SGK1: variants seen among roughly 807,000 people sequenced by gnomAD.
SGK1 encodes serine/threonine-protein kinase Sgk1.
A neutral mutation model predicts 64.2 loss-of-function variants in SGK1; 26 were observed. The ratio of observed to expected loss-of-function variants is 0.40; its 90% CI spans 0.30 to 0.56. The LOEUF is 0.56. SGK1 is among the 20% of genes least tolerant of loss of function. The pLI is 0.38. For missense variants in SGK1, 519 were observed against 645.6 expected, an observed-to-expected ratio of 0.80 and a Z score of 2.12; for synonymous variants, 265 against 239.7, an observed-to-expected ratio of 1.11 and a Z score of -0.98.
At chr6:134,191,835 ATTT>A (rs71003671) in intron 3 of SGK1, among the ~76,000 whole-genome samples, 1 of 61,204 alleles carries the variant, frequency 1.6e-5, no homozygotes. Flanking sequence ...CGCCCGGCTG[ATTT>A]TTTTTTTTTT....
intron 3 of SGK1, chr6:134,174,859 T>C (rs763824298): frequency 7.3e-5 from 117 of 1,611,766 alleles, no homozygotes; most frequent in Non-Finnish European, 9.3e-5. Context: ...CGGCTCGGCG[T>C]ATGCTGCGCC....
intron 2 of SGK1, among the ~76,000 whole-genome samples, chr6:134,230,717 A>G (rs567526028): frequency 2.0e-5 from 3 of 152,284 alleles, no homozygotes; most frequent in African/African-American, 7.2e-5. Flanking sequence ...CCATCTCTAC[A>G]AATAAAATAA....
chr6:134,317,584 G>A lies in SGK1; in HGVS notation c.-124C>T. The A allele has an allele frequency of 1.4e-6, 1 of 732,632 alleles. No individual in the cohort carries two copies. The highest frequency in any genetic ancestry group is 1.5e-5 in the South Asian group (1 of 65,650). The allele number at this position is 732,632 out of a possible 1,614,324, so 45.4% of individuals were successfully genotyped here. The stretch of plus-strand genomic sequence containing the variant: ...AAGACTGAGCGGGATGGAGAATCTA[G>A]CGGGGCTCAGTTCTTCACTCGCGCA... On this transcript the variant is annotated 5_prime_UTR_variant, in exon 1 of 14. Coordinates refer to ENST00000367858, the MANE Select transcript of SGK1 (RefSeq NM_001143676.3).
chr6:134,175,420 C>T (rs1582688465), intron 3 of SGK1: 2 of 1,304,900 alleles, frequency 1.5e-6, no homozygotes, highest in Non-Finnish European at 2.0e-6. Context: ...CCTCGCCCGC[C>T]AGGTCCTCCC....
rs1333887934 is a variant in SGK1 at position 134,301,573 on chromosome 6, CTT to C, written c.69+15817_69+15818del. Among the ~76,000 whole-genome samples the C allele has an allele frequency of 5.5e-4, 83 of 149,592 alleles. 1 individual carries two copies. Among genetic ancestry groups the C allele is most frequent in the African/African-American group, 2.0e-3 (79 of 40,342 alleles). On this transcript the variant is annotated intron_variant, in intron 1 of 13. Transcript: ENST00000367858. ...CTTCTCTTCTCTTCTCTTCTCTTCTCTTCTCTTCTCTTCCCTTCTCTTCTCTT... is the reference window on the plus strand; with the variant it reads ...CTTCTCTTCTCTTCTCTTCTCTTCTCCTCTTCTCTTCCCTTCTCTTCTCTT...
At chr6:134,234,747 A>T (rs986952269) in intron 2 of SGK1, among the ~76,000 whole-genome samples, 2 of 150,974 alleles carry the variant, frequency 1.3e-5, no homozygotes, top group East Asian at 4.0e-4. Flanking sequence ...GTGGTGATGC[A>T]TGCCTGTAAT....
chr6:134,295,473 G>A (rs1777334021), intron 1 of SGK1, among the ~76,000 whole-genome samples: 1 of 152,192 alleles, frequency 6.6e-6, no homozygotes, highest in African/African-American at 2.4e-5. Flanking sequence ...GGACGCCAAG[G>A]CAGGTGGATA....
chr6:134,298,107 T>C (rs1028862960), intron 1 of SGK1: 51 of 1,354,248 alleles, frequency 3.8e-5, no homozygotes, highest in Non-Finnish European at 2.6e-5. Context: ...ACCTTGTTCA[T>C]GTAAGCTTCA....
At chr6:134,228,466 T>C (rs1776222449) in intron 2 of SGK1, among the ~76,000 whole-genome samples, 1 of 152,198 alleles carries the variant, frequency 6.6e-6, no homozygotes, top group Non-Finnish European at 1.5e-5. Flanking sequence ...CAAAAGAATA[T>C]ACTTCTTGAA....
At chr6:134,237,345 C>G (rs1000638055) in intron 2 of SGK1, among the ~76,000 whole-genome samples, 1 of 151,972 alleles carries the variant, frequency 6.6e-6, no homozygotes, top group Non-Finnish European at 1.5e-5. Flanking sequence ...TCATGAGCCA[C>G]TGTGCCTGGC....
intron 1 of SGK1, among the ~76,000 whole-genome samples, chr6:134,294,204 C>A (rs1582768898): frequency 6.6e-6 from 1 of 152,192 alleles, no homozygotes; most frequent in Non-Finnish European, 1.5e-5. Flanking sequence ...ATCTAATATA[C>A]TGTGCTGTAT....
At chr6:134,298,280 A>T (rs982034688) in intron 1 of SGK1, 1 of 1,563,186 alleles carries the variant, frequency 6.4e-7, no homozygotes. Context: ...TAGCTCTCGA[A>T]CATGTTGTCC....
At chr6:134,306,511 G>T (rs993137275) in intron 1 of SGK1, among the ~76,000 whole-genome samples, 3 of 152,008 alleles carry the variant, frequency 2.0e-5, no homozygotes, top group Admixed American at 2.0e-4. Flanking sequence ...GTTGGGGAGT[G>T]AAGGAAGCTT....
chr6:134,281,388 G>A (rs1161960521), intron 1 of SGK1, among the ~76,000 whole-genome samples: 1 of 152,180 alleles, frequency 6.6e-6, no homozygotes, highest in East Asian at 1.9e-4. Flanking sequence ...GTAAGGATGA[G>A]TAGGTGGTAG....
chr6:134,281,519 CT>C (rs35370292), intron 1 of SGK1, among the ~76,000 whole-genome samples: 567 of 141,842 alleles, frequency 4.0e-3, no homozygotes, highest in African/African-American at 5.2e-3. Context: ...CCAATTTGTT[CT>C]TTTTTTTTTT....
chr6:134,297,066 A>G (rs1196417062), intron 1 of SGK1: 5 of 471,618 alleles, frequency 1.1e-5, no homozygotes, highest in South Asian at 1.8e-5. Context: ...CTTCACAACC[A>G]CAGCCCTGGT....
chr6:134,255,794 G>A (rs1035387024), intron 2 of SGK1, among the ~76,000 whole-genome samples: 8 of 151,338 alleles, frequency 5.3e-5, no homozygotes, highest in South Asian at 2.1e-4. Context: ...CATGTTGACC[G>A]GGCTGGTCTT....
At chr6:134,170,460 CTT>C in intron 13 of SGK1, 25 bp from the exon 14 acceptor site, 1 of 1,599,742 alleles carries the variant, frequency 6.3e-7, no homozygotes, top group African/African-American at 1.3e-5. Context: ...GAAAAACACT[CTT>C]GTCAAGAACT....
intron 2 of SGK1, among the ~76,000 whole-genome samples, chr6:134,226,339 C>A (rs865821581): frequency 6.7e-6 from 1 of 148,890 alleles, no homozygotes; most frequent in African/African-American, 2.5e-5. Context: ...ATCCTGCCCC[C>A]CCTCATCCAA....
Sources: gnomAD v4.1 joint callset for allele counts (sites outside exome capture counted in the v4.1 genomes callset) on GRCh38, gnomAD v4.1.1 for gene constraint, MANE v1.5 for transcripts, NCBI Gene and HGNC (gene_info 2026-07-23, HGNC 2026-07-21) for gene names.